ANKRD30B: variants seen among roughly 807,000 people sequenced by gnomAD.
ANKRD30B encodes the protein ankyrin repeat domain-containing protein 30B.
A neutral mutation model predicts 202.2 loss-of-function variants in ANKRD30B; 144 were observed. That is an observed-to-expected ratio of 0.71 (90% CI 0.62 to 0.82). ANKRD30B has a LOEUF of 0.82. ANKRD30B is among the 40% of genes least tolerant of loss of function. The probability of loss-of-function intolerance (pLI) is 0.00; values close to 1 mark genes in which losing one functional copy is unlikely to be tolerated. For missense variants in ANKRD30B, 1,487 were observed against 1,669.1 expected (o/e 0.89, Z 1.90); for synonymous variants, 508 against 561.3 (o/e 0.91, Z 1.34).
chr18:14,920,547 T>C, the ANKRD30B span, among the ~76,000 whole-genome samples: 84 of 152,158 alleles, frequency 5.5e-4, no homozygotes, highest in Non-Finnish European at 1.2e-3. Flanking sequence ...TTCCTGGGGC[T>C]ATAGCACAAA....
At chr18:14,895,208 A>G in the ANKRD30B span, among the ~76,000 whole-genome samples, 1 of 150,194 alleles carries the variant, frequency 6.7e-6, no homozygotes, top group African/African-American at 2.5e-5. Context: ...GATGGGAGCA[A>G]TCATACCTCA....
chr18:14,790,051 C>T (rs1014618754), intron 15 of ANKRD30B, among the ~76,000 whole-genome samples: 9 of 152,104 alleles, frequency 5.9e-5, no homozygotes, highest in African/African-American at 1.7e-4. Context: ...TTGTTTGTAT[C>T]CTCTTTTATT....
chr18:14,936,421 A>G, the ANKRD30B span, among the ~76,000 whole-genome samples: 3 of 151,636 alleles, frequency 2.0e-5, no homozygotes, highest in Admixed American at 2.0e-4. Flanking sequence ...CCCTCCACAA[A>G]CGCATCCTAA....
chr18:14,754,706 G>C lies in ANKRD30B; in HGVS notation c.511-193G>C, dbSNP rs568931453. Among the ~76,000 whole-genome samples, 34 of 152,246 alleles carry C rather than the reference G, an allele frequency of 2.2e-4. 1 individual carries two copies. In the South Asian group the frequency reaches 7.1e-3, roughly 32 times the overall value. ...TAACCAGAATTAATGTGGTGATGCA[G>C]AGGCTGAATATTTACAAGGGAAGGT... On this transcript the variant is annotated intron_variant, in intron 3 of 43. Coordinates refer to ENST00000690538, the MANE Select transcript of ANKRD30B (RefSeq NM_001367607.2).
the ANKRD30B span, among the ~76,000 whole-genome samples, chr18:14,881,992 CTTCTT>C: frequency 3.3e-5 from 5 of 152,112 alleles, no homozygotes; most frequent in African/African-American, 1.2e-4. Flanking sequence ...GATTTTCTCT[CTTCTT>C]TTCTTGGTTA....
At chr18:14,899,918 T>C in the ANKRD30B span, among the ~76,000 whole-genome samples, 84,517 of 151,972 alleles carry the variant, frequency 0.56, 24,140 homozygotes, top group African/African-American at 0.69. Context: ...TGAACATCAT[T>C]GTGACTTCAT....
chr18:14,866,873 CA>C, the ANKRD30B span, among the ~76,000 whole-genome samples: 1 of 151,692 alleles, frequency 6.6e-6, no homozygotes, highest in East Asian at 2.0e-4. Context: ...CGGCGGGTGG[CA>C]GGGGGTTAGG....
chr18:14,818,012 A>C (rs552716025), intron 30 of ANKRD30B, among the ~76,000 whole-genome samples: 78 of 152,302 alleles, frequency 5.1e-4, no homozygotes, highest in Non-Finnish European at 7.6e-4. Context: ...AACAGCATAT[A>C]TACTTGATAT....
chr18:14,923,631 T>G, the ANKRD30B span, among the ~76,000 whole-genome samples: 1 of 152,190 alleles, frequency 6.6e-6, no homozygotes, highest in Non-Finnish European at 1.5e-5. Flanking sequence ...AACCTGCTAA[T>G]TCCTAGGGCC....
intron 32 of ANKRD30B, 132 bp downstream of exon 32, chr18:14,822,809 A>G (rs950230591): frequency 8.2e-7 from 1 of 1,220,806 alleles, no homozygotes; most frequent in Non-Finnish European, 1.1e-6. Context: ...AATAATGCCA[A>G]TGTTAGTATT....
At chr18:14,928,504 GT>G in the ANKRD30B span, among the ~76,000 whole-genome samples, 1 of 152,134 alleles carries the variant, frequency 6.6e-6, no homozygotes, top group Non-Finnish European at 1.5e-5. Context: ...CATTTTCTCT[GT>G]CAGATGGCCC....
At chr18:14,898,956 A>G in the ANKRD30B span, among the ~76,000 whole-genome samples, 3 of 152,212 alleles carry the variant, frequency 2.0e-5, no homozygotes, top group Non-Finnish European at 4.4e-5. Context: ...TAAAATAAGT[A>G]TCTCAGCAAG....
intron 4 of ANKRD30B, 77 bp from the exon 5 acceptor site, chr18:14,757,738 T>C: frequency 1.4e-6 from 2 of 1,456,514 alleles, no homozygotes; most frequent in African/African-American, 2.8e-5. Flanking sequence ...TTAGTACATG[T>C]AAATGGTTAA....
chr18:14,909,699 G>T, the ANKRD30B span, among the ~76,000 whole-genome samples: 1 of 152,138 alleles, frequency 6.6e-6, no homozygotes, highest in African/African-American at 2.4e-5. Context: ...GAGTCACTGC[G>T]CCTGACTGGA....
At chr18:14,855,892 G>A (rs576742486), downstream of ANKRD30B, among the ~76,000 whole-genome samples, 450 of 149,308 alleles carry the variant, frequency 3.0e-3, no homozygotes, top group African/African-American at 0.011. Flanking sequence ...CTTCCCAGAC[G>A]GGGCGGCTGG....
At chr18:14,906,395 T>A in the ANKRD30B span, among the ~76,000 whole-genome samples, 1 of 152,174 alleles carries the variant, frequency 6.6e-6, no homozygotes, top group Non-Finnish European at 1.5e-5. Context: ...AATCTCATTA[T>A]GTTTGTTATA....
chr18:14,827,625 A>C (rs1300448834), intron 32 of ANKRD30B, among the ~76,000 whole-genome samples: 1 of 152,136 alleles, frequency 6.6e-6, no homozygotes, highest in Non-Finnish European at 1.5e-5. Context: ...GCAGAGGGAA[A>C]TCATGTTGTG....
the ANKRD30B span, chr18:14,905,303 A>G: frequency 2.6e-5 from 4 of 152,200 alleles, no homozygotes; most frequent in Non-Finnish European, 5.9e-5. Context: ...TCTTTCTTGC[A>G]CAAGTCCAAG....
At chr18:14,765,862 C>G (rs1332367791) in intron 7 of ANKRD30B, among the ~76,000 whole-genome samples, 2 of 151,996 alleles carry the variant, frequency 1.3e-5, no homozygotes, top group East Asian at 3.9e-4. Flanking sequence ...ACCTGTATGT[C>G]TTTCTTTGCC....
Sources: allele counts gnomAD v4.1 joint callset (sites outside exome capture counted in the v4.1 genomes callset), GRCh38; gene constraint gnomAD v4.1.1; transcripts MANE v1.5; gene names NCBI Gene and HGNC (gene_info 2026-07-23, HGNC 2026-07-21).